The following LHFPL1 variants were observed in gnomAD, a reference collection of about 807,000 sequenced individuals.
LHFPL1 encodes LHFPL tetraspan subfamily member 1 protein.
Under a neutral mutation model 12.1 loss-of-function variants are expected in LHFPL1, and 4 were observed. That is an observed-to-expected ratio of 0.33 (90% CI 0.16 to 0.76). The LOEUF is 0.76. Among genes scored for constraint, LHFPL1 ranks in the 30% least tolerant of loss-of-function variants. The pLI is 0.61. For synonymous variants in LHFPL1, 52 were observed against 61.9 expected (o/e 0.84, Z 0.75); for missense variants, 141 against 174.1 (o/e 0.81, Z 1.07).
At chrX:112,644,453 TTGTGTGTGTGTG>T in intron 3 of LHFPL1, among the ~76,000 whole-genome samples, 1 of 104,814 alleles carries the variant, frequency 9.5e-6, no homozygotes, top group East Asian at 3.0e-4. Context: ...TTTCTCCTGT[TTGTGTGTGTGTG>T]TGTGTGTGTG....
At chrX:112,642,285 C>T (rs1418073356) in intron 3 of LHFPL1, among the ~76,000 whole-genome samples, 3 of 103,624 alleles carry the variant, frequency 2.9e-5, no homozygotes, top group African/African-American at 1.0e-4. Flanking sequence ...CCGAGCTGGG[C>T]AGCTTAGATG....
chrX:112,678,392 A>C (rs1370837567), intron 1 of LHFPL1, among the ~76,000 whole-genome samples: 1 of 111,960 alleles, frequency 8.9e-6, no homozygotes. Flanking sequence ...TTCAGTGATA[A>C]GCTGGTTGGC....
chrX:112,649,417 T>C (rs1413395576), intron 3 of LHFPL1, among the ~76,000 whole-genome samples: 1 of 112,255 alleles, frequency 8.9e-6, no homozygotes, highest in African/African-American at 3.2e-5. Flanking sequence ...ACCTTTTCAC[T>C]GAAGGCCATA....
intron 3 of LHFPL1, among the ~76,000 whole-genome samples, chrX:112,637,176 C>T (rs1393631898): frequency 1.8e-5 from 2 of 112,313 alleles, no homozygotes; most frequent in African/African-American, 6.5e-5. Flanking sequence ...TAAATCATCA[C>T]TCAGCAGTGG....
chrX:112,669,982 A>AG (rs752963169), intron 2 of LHFPL1, among the ~76,000 whole-genome samples: 5 of 111,901 alleles, frequency 4.5e-5, no homozygotes, highest in Middle Eastern at 4.6e-3. Context: ...ACAAATTCAA[A>AG]GGAAGTGAAG....
At chrX:112,676,365 C>T (rs1274516296) in intron 1 of LHFPL1, among the ~76,000 whole-genome samples, 1 of 111,670 alleles carries the variant, frequency 9.0e-6, no homozygotes, top group Non-Finnish European at 1.9e-5. Flanking sequence ...AAGAACTCAC[C>T]CTGATGCTCT....
chrX:112,660,308 G>A (rs972643900), intron 3 of LHFPL1, among the ~76,000 whole-genome samples: 1 of 112,426 alleles, frequency 8.9e-6, no homozygotes, highest in African/African-American at 3.2e-5. Flanking sequence ...GTGCCTAGAA[G>A]GAAACACCAG....
At chrX:112,645,945 A>G (rs1930672516) in intron 3 of LHFPL1, among the ~76,000 whole-genome samples, 1 of 111,287 alleles carries the variant, frequency 9.0e-6, no homozygotes, top group African/African-American at 3.3e-5. Flanking sequence ...AGCAGCATCT[A>G]CCGTATACGT....
intron 3 of LHFPL1, among the ~76,000 whole-genome samples, chrX:112,656,580 C>T (rs758587420): frequency 9.0e-6 from 1 of 111,462 alleles, no homozygotes; most frequent in African/African-American, 3.3e-5. Context: ...AAAATTGTCT[C>T]TATTCTCAGA....
rs766985140 is a variant in LHFPL1 at position 112,671,483 on chromosome X, C to A, written c.-14-79G>T. On this transcript the variant is annotated intron_variant, in intron 1 of 3. Coordinates refer to ENST00000371968, the MANE Select transcript of LHFPL1 (RefSeq NM_178175.4). ...ATGTAGGCTCCACTGGCCTATTTTT[C>A]ATCTGGTTGGCCAGTCCTGGGGCTC... The A allele has an allele frequency of 1.9e-5, 23 of 1,195,176 alleles. No homozygotes were observed. The African/African-American group carries it at 4.0e-4, about 21-fold the overall frequency.
At chrX:112,655,029 T>C (rs1166013670) in intron 3 of LHFPL1, among the ~76,000 whole-genome samples, 1 of 111,932 alleles carries the variant, frequency 8.9e-6, no homozygotes, top group Non-Finnish European at 1.9e-5. Flanking sequence ...CTTTTCTGTC[T>C]TTAAGTAACT....
chrX:112,649,921 A>G (rs1167672420), intron 3 of LHFPL1, among the ~76,000 whole-genome samples: 1 of 110,086 alleles, frequency 9.1e-6, no homozygotes, highest in East Asian at 2.8e-4. Context: ...GTTGCTGGAC[A>G]TGACTTCTCA....
intron 3 of LHFPL1, among the ~76,000 whole-genome samples, chrX:112,646,784 A>G (rs995363018): frequency 9.0e-6 from 1 of 110,923 alleles, no homozygotes; most frequent in Non-Finnish European, 1.9e-5. Flanking sequence ...ATCACTAGGT[A>G]CTTTCCATGA....
chrX:112,643,710 T>C (rs942714850), intron 3 of LHFPL1, among the ~76,000 whole-genome samples: 1 of 111,636 alleles, frequency 9.0e-6, no homozygotes, highest in African/African-American at 3.3e-5. Flanking sequence ...GTAGGTATTA[T>C]CATCCTCACT....
At chrX:112,659,260 C>T (rs1408596472) in intron 3 of LHFPL1, among the ~76,000 whole-genome samples, 2 of 111,012 alleles carry the variant, frequency 1.8e-5, no homozygotes, top group Non-Finnish European at 3.8e-5. Context: ...GCAGTTTGAA[C>T]CATGGCGGAA....
chrX:112,655,990 A>G (rs1390099322), intron 3 of LHFPL1, among the ~76,000 whole-genome samples: 1 of 112,362 alleles, frequency 8.9e-6, no homozygotes, highest in Non-Finnish European at 1.9e-5. Context: ...TAATCAAAGT[A>G]GAATCATAGG....
chrX:112,643,201 A>T (rs918854314), intron 3 of LHFPL1, among the ~76,000 whole-genome samples: 1 of 108,062 alleles, frequency 9.3e-6, no homozygotes, highest in Non-Finnish European at 1.9e-5. Context: ...CAACATGGTG[A>T]AACCCTGTCT....
intron 3 of LHFPL1, among the ~76,000 whole-genome samples, chrX:112,635,153 T>C (rs1046514505): frequency 4.1e-4 from 46 of 112,115 alleles, no homozygotes; most frequent in African/African-American, 1.4e-3. Context: ...TGTTGCCTTT[T>C]AGTGAAGTCC....
intron 3 of LHFPL1, among the ~76,000 whole-genome samples, chrX:112,655,739 T>C (rs755686363): frequency 9.0e-6 from 1 of 111,450 alleles, no homozygotes; most frequent in South Asian, 3.8e-4. Flanking sequence ...AGCTAATTAT[T>C]TTTATTTTTT....
Sources: allele counts gnomAD v4.1 joint callset (sites outside exome capture counted in the v4.1 genomes callset), GRCh38; gene constraint gnomAD v4.1.1; transcripts MANE v1.5; gene names NCBI Gene and HGNC (gene_info 2026-07-23, HGNC 2026-07-21).